SPAG6: variants seen among roughly 807,000 people sequenced by gnomAD.
SPAG6 encodes sperm-associated antigen 6.
Under a neutral mutation model 58.5 loss-of-function variants are expected in SPAG6, and 49 were observed. The observed-to-expected ratio is 0.84, with a 90% confidence interval of 0.67 to 1.06. The LOEUF is 1.06. Ranked by LOEUF, SPAG6 falls within the 50% of genes least tolerant of loss-of-function variation. The pLI, the probability that SPAG6 is intolerant of heterozygous loss-of-function variation, is 0.00. For synonymous variants in SPAG6, 233 were observed against 225.6 expected (o/e 1.03, Z -0.29); for missense variants, 560 against 611.3 (o/e 0.92, Z 0.89).
intron 4 of SPAG6, among the ~76,000 whole-genome samples, chr10:22,385,911 C>T (rs1834053802): frequency 6.6e-6 from 1 of 152,150 alleles, no homozygotes; most frequent in Admixed American, 6.5e-5. Context: ...GCCGTGAATA[C>T]AATGTGAGTA....
rs907929601 is a variant in SPAG6 at position 22,368,385 on chromosome 10, G to T, written c.289-110G>T. On this transcript the variant is annotated intron_variant, in intron 3 of 10. Coordinates refer to ENST00000376624, the MANE Select transcript of SPAG6 (RefSeq NM_012443.4). Reference sequence around the variant, plus strand: ...TTTTCATCTTTTATATTCAAAAGCTGTTGAGCTTTATTTATAGTAATGTTA... The same window carrying T: ...TTTTCATCTTTTATATTCAAAAGCTTTTGAGCTTTATTTATAGTAATGTTA... The T allele has an allele frequency of 7.8e-6, 6 of 766,456 alleles. No individual in the cohort carries two copies. The African/African-American group carries it at 8.8e-5, about 11-fold the overall frequency. 47.5% of individuals were successfully genotyped at this position (766,456 alleles called of 1,614,324 possible).
intron 8 of SPAG6, 42 bp downstream of exon 8, chr10:22,391,962 A>G: frequency 7.7e-7 from 1 of 1,293,774 alleles, no homozygotes; most frequent in Non-Finnish European, 1.1e-6. Flanking sequence ...TGGCTCATTT[A>G]AAAAATATGT....
chr10:22,379,646 T>C (rs1197526145), intron 4 of SPAG6, among the ~76,000 whole-genome samples: 2 of 152,228 alleles, frequency 1.3e-5, no homozygotes, highest in Non-Finnish European at 2.9e-5. Flanking sequence ...GTCTTGAGCC[T>C]GAACCTGGCA....
At chr10:22,352,378 C>T (rs1440311627) in intron 2 of SPAG6, among the ~76,000 whole-genome samples, 4 of 151,700 alleles carry the variant, frequency 2.6e-5, no homozygotes, top group African/African-American at 9.7e-5. Flanking sequence ...ATATATCACC[C>T]TTTTTTTAAA....
At chr10:22,390,028 A>C (rs1202641584) in intron 7 of SPAG6, among the ~76,000 whole-genome samples, 1 of 152,174 alleles carries the variant, frequency 6.6e-6, no homozygotes, top group African/African-American at 2.4e-5. Flanking sequence ...GTTTCTTATC[A>C]GCATAGAAAA....
At chr10:22,412,738 A>G (rs1266107792) in intron 10 of SPAG6, 2 of 324,346 alleles carry the variant, frequency 6.2e-6, no homozygotes, top group African/African-American at 2.2e-5. Context: ...CTCCCAGCTA[A>G]TGTTTTGTAG....
intron 9 of SPAG6, 145 bp downstream of exon 9, chr10:22,401,422 G>A: frequency 3.3e-6 from 2 of 600,032 alleles, no homozygotes; most frequent in South Asian, 4.1e-5. Flanking sequence ...GGACAGAGAA[G>A]TTACCTTAAT....
In SPAG6 at chr10:22,407,296, T is replaced by C. The variant is rs552728038; in HGVS notation, c.1315-3735T>C. Among the ~76,000 whole-genome samples, 558 of 152,262 alleles carry C rather than the reference T, an allele frequency of 3.7e-3. 6 individuals are homozygous for C. The highest frequency in any genetic ancestry group is 6.2e-3 in the Non-Finnish European group (419 of 68,026). The stretch of plus-strand genomic sequence containing the variant: ...GGTATCGGTTGTTTCTTTCCATGTT[T>C]AGCGCTTCCTTCAGGAGCTCTTTTA... On this transcript the variant is annotated intron_variant, in intron 9 of 10. Transcript: ENST00000376624.
chr10:22,382,775 C>A (rs1035339901), intron 4 of SPAG6, among the ~76,000 whole-genome samples: 15 of 152,072 alleles, frequency 9.9e-5, no homozygotes, highest in Admixed American at 9.8e-4. Flanking sequence ...TTCTTTGTAA[C>A]AATAATGTTA....
At chr10:22,393,063 T>C (rs1834217819) in intron 8 of SPAG6, among the ~76,000 whole-genome samples, 2 of 152,278 alleles carry the variant, frequency 1.3e-5, no homozygotes, top group South Asian at 4.1e-4. Flanking sequence ...TGTAAGGTCT[T>C]TTCTAGTTTA....
chr10:22,407,118 A>G (rs11498378), intron 9 of SPAG6, among the ~76,000 whole-genome samples: 24,072 of 149,928 alleles, frequency 0.16, 5,951 homozygotes, highest in African/African-American at 0.54. Context: ...CTTTTAATTG[A>G]AGAATTTAGT....
At chr10:22,367,992 G>A (rs576302711) in intron 3 of SPAG6, among the ~76,000 whole-genome samples, 1 of 152,152 alleles carries the variant, frequency 6.6e-6, no homozygotes, top group Non-Finnish European at 1.5e-5. Flanking sequence ...TTAGAACATG[G>A]TTGTTACTTC....
At chr10:22,362,132 A>C (rs910309592) in intron 2 of SPAG6, among the ~76,000 whole-genome samples, 6 of 145,552 alleles carry the variant, frequency 4.1e-5, no homozygotes. Context: ...TGTATTTTAT[A>C]TATTTATTTT....
intron 2 of SPAG6, among the ~76,000 whole-genome samples, chr10:22,364,107 A>G (rs779718756): frequency 6.6e-6 from 1 of 152,228 alleles, no homozygotes; most frequent in African/African-American, 2.4e-5. Context: ...TTTAACAATT[A>G]TCAATGAAAA....
intron 4 of SPAG6, among the ~76,000 whole-genome samples, chr10:22,374,431 A>G (rs908137129): frequency 6.6e-6 from 1 of 152,110 alleles, no homozygotes; most frequent in African/African-American, 2.4e-5. Context: ...CTGTATTAAA[A>G]GCATATATAA....
chr10:22,351,391 G>C (rs1336834039), intron 2 of SPAG6, among the ~76,000 whole-genome samples: 1 of 152,180 alleles, frequency 6.6e-6, no homozygotes, highest in Non-Finnish European at 1.5e-5. Flanking sequence ...GTTGGGAACC[G>C]AGGTAGTCCT....
intron 8 of SPAG6, among the ~76,000 whole-genome samples, chr10:22,392,803 T>C (rs1322053598): frequency 2.0e-5 from 3 of 152,152 alleles, no homozygotes; most frequent in Non-Finnish European, 4.4e-5. Context: ...ACTCTGAAAG[T>C]TATGTATAGT....
chr10:22,383,615 G>T (rs1277271403), intron 4 of SPAG6, among the ~76,000 whole-genome samples: 8 of 151,692 alleles, frequency 5.3e-5, no homozygotes, highest in African/African-American at 1.9e-4. Flanking sequence ...TCCAGCCTGG[G>T]CAACAGAGCA....
intron 2 of SPAG6, among the ~76,000 whole-genome samples, chr10:22,363,917 A>G (rs956497060): frequency 2.6e-5 from 4 of 152,238 alleles, no homozygotes; most frequent in Admixed American, 1.3e-4. Flanking sequence ...TTCTGTCATT[A>G]CATTTCTTGT....
Sources: allele counts gnomAD v4.1 joint callset (sites outside exome capture counted in the v4.1 genomes callset), GRCh38; gene constraint gnomAD v4.1.1; transcripts MANE v1.5; gene names NCBI Gene and HGNC (gene_info 2026-07-23, HGNC 2026-07-21).